Variants in RIC1 observed in about 807,000 individuals in gnomAD.
The protein encoded by RIC1 is guanine nucleotide exchange factor subunit RIC1.
Under a neutral mutation model 169.0 loss-of-function variants are expected in RIC1, and 88 were observed. The ratio of observed to expected loss-of-function variants is 0.52; its 90% CI spans 0.44 to 0.62. The LOEUF (loss-of-function observed/expected upper bound fraction) is 0.62, where lower values mean the gene tolerates loss of function less well. Ranked by LOEUF, RIC1 falls within the 20% of genes least tolerant of loss-of-function variation. The pLI is 0.00. For missense variants in RIC1, 1,877 were observed against 1,725.5 expected, an observed-to-expected ratio of 1.09 and a Z score of -1.56; for synonymous variants, 790 against 601.5, an observed-to-expected ratio of 1.31 and a Z score of -4.59.
chr9:5,759,525 AC>A (rs780638219), intron 17 of RIC1, among the ~76,000 whole-genome samples: 33 of 152,210 alleles, frequency 2.2e-4, no homozygotes, highest in Non-Finnish European at 3.8e-4. Context: ...GATAATCACT[AC>A]CCTGCAGAAC....
Position 5,720,733 on chromosome 9 carries a change from A to G in RIC1, c.703A>G (p.Ser235Gly). ...GKVGFITPVS[S>G]RFTAEQLHGV... ...AGTTGGATTTATTACACCAGTGTCA[A>G]GTAGATTTACTGCAGAGGTATGACT... Residue 235 changes from serine (S) to glycine (G), a missense_variant, in exon 6 of 26, where the codon AGT (serine) becomes GGT (glycine). Transcript: ENST00000414202. 6.2e-7 allele frequency: 1 copy of G among 1,608,436 alleles called. No homozygotes were observed. The highest frequency in any genetic ancestry group is 8.5e-7 in the Non-Finnish European group (1 of 1,177,986).
At position 5,769,119 on chromosome 9, in the gene RIC1, A is replaced by G. The variant is rs1228667725; in HGVS notation, c.3287A>G (p.Lys1096Arg). 6.2e-7 allele frequency: 1 copy of G among 1,614,024 alleles called. No homozygotes were observed. Among genetic ancestry groups the G allele is most frequent in the East Asian group, 2.2e-5 (1 of 44,882 alleles). Residue 1096 changes from lysine to arginine, a missense_variant, in exon 22 of 26, where the codon AAG (lysine) becomes AGG (arginine). By Grantham distance (26) the Lys-to-Arg change is conservative. Around this residue, in one of 3 missense-constraint regions of RIC1, gnomAD observed 681 missense variants for 582.0 expected, o/e 1.17. Transcript: ENST00000414202. The stretch of plus-strand genomic sequence containing the variant: ...TTTGAACTAATTAGTTGGCTATGCA[A>G]GGAACGTACCCGAGCCGCCCGGGTA... ...LGFELISWLC[K>R]ERTRAARVDN...
At chr9:5,719,771 A>T (rs189094338) in intron 4 of RIC1, among the ~76,000 whole-genome samples, 2 of 152,180 alleles carry the variant, frequency 1.3e-5, no homozygotes, top group African/African-American at 4.8e-5. Context: ...TCATTATTCA[A>T]AGTTTTATTG....
chr9:5,691,288 G>A (rs1027758268), intron 3 of RIC1, among the ~76,000 whole-genome samples: 11 of 151,884 alleles, frequency 7.2e-5, no homozygotes, highest in African/African-American at 2.7e-4. Context: ...AAAATCTAGA[G>A]CAATACAGTA....
At chr9:5,726,370 T>C (rs1823985571) in intron 6 of RIC1, among the ~76,000 whole-genome samples, 1 of 152,216 alleles carries the variant, frequency 6.6e-6, no homozygotes. Context: ...ATACTAGGAT[T>C]GCAACCCCTG....
chr9:5,685,111 T>C (rs1821134383), intron 2 of RIC1, among the ~76,000 whole-genome samples: 1 of 151,602 alleles, frequency 6.6e-6, no homozygotes, highest in Non-Finnish European at 1.5e-5. Flanking sequence ...AAACCACTGC[T>C]CAAGGAAATA....
At chr9:5,643,616 C>T (rs1434350318) in intron 1 of RIC1, among the ~76,000 whole-genome samples, 1 of 152,054 alleles carries the variant, frequency 6.6e-6, no homozygotes, top group African/African-American at 2.4e-5. Flanking sequence ...TAAACTAGCA[C>T]CTCATTTAGA....
Position 5,676,460 on chromosome 9 carries a change from A to G in RIC1, c.253-13499A>G, listed in dbSNP as rs541652171. Among the ~76,000 whole-genome samples the G allele has an allele frequency of 6.6e-5, 10 of 152,276 alleles. No individual in the cohort carries two copies. The South Asian group carries it at 2.1e-3, about 32-fold the overall frequency. Reference sequence around the variant, plus strand: ...TATTAAAATTAATTTGTTATTCATAACAATCCTCTCAAGGTAGATACTTTT... The same window carrying G: ...TATTAAAATTAATTTGTTATTCATAGCAATCCTCTCAAGGTAGATACTTTT... On this transcript the variant is annotated intron_variant, in intron 2 of 25. Coordinates refer to ENST00000414202, the MANE Select transcript of RIC1 (RefSeq NM_020829.4).
intron 2 of RIC1, among the ~76,000 whole-genome samples, chr9:5,672,799 C>T (rs941200034): frequency 2.0e-5 from 3 of 152,094 alleles, no homozygotes; most frequent in Non-Finnish European, 4.4e-5. Context: ...GCAGAAATAA[C>T]TGAATTTCAG....
rs559038108 is a variant in RIC1, at chr9:5,727,597, G to A, written c.721-4791G>A. ...TGTTCCATTGCTGGCAAGGAGCTGCGTTCCTTTGGAGGTGAAGAGGTGCTC... is the reference window on the plus strand; with the variant it reads ...TGTTCCATTGCTGGCAAGGAGCTGCATTCCTTTGGAGGTGAAGAGGTGCTC... On this transcript the variant is annotated intron_variant, in intron 6 of 25. Coordinates refer to ENST00000414202, the MANE Select transcript of RIC1 (RefSeq NM_020829.4). Among the ~76,000 whole-genome samples, 21 of 152,306 alleles carry A rather than the reference G, an allele frequency of 1.4e-4. 1 individual carries two copies. In the South Asian group the frequency reaches 1.9e-3, roughly 14 times the overall value.
In RIC1 at chr9:5,656,612, G is replaced by A. The variant is rs1366303003; in HGVS notation, c.174G>A (p.Glu58=). The change falls in exon 2 of 26, where the codon GAG becomes GAA. Residue 58 remains glutamate, a synonymous_variant. Coordinates refer to ENST00000414202, the MANE Select transcript of RIC1 (RefSeq NM_020829.4). The part of the protein sequence containing the change: ...RPSVLIVTYK[E]PAKSSTQFGS... ...GTGTGTTAATTGTAACCTACAAGGA[G>A]CCTGCAAAATCATCTACTCAGTTTG... 1.9e-6 allele frequency: 3 copies of A among 1,604,962 alleles called. No homozygotes were observed. Among genetic ancestry groups the A allele is most frequent in the East Asian group, 2.2e-5 (1 of 44,690 alleles).
In RIC1 at chr9:5,720,316, C is replaced by T; in HGVS notation, c.575C>T (p.Ser192Leu). Reference protein sequence around the residue: ...CTVPFSVDLQSSRVGSFLGFT... With the variant: ...CTVPFSVDLQLSRVGSFLGFT... ...GTACCCTTTTCAGTAGACCTGCAGTCATCTAGAGGTAGCTATACTTTCTAC... is the reference window on the plus strand; with the variant it reads ...GTACCCTTTTCAGTAGACCTGCAGTTATCTAGAGGTAGCTATACTTTCTAC... Residue 192 changes from serine to leucine, a missense_variant, in exon 5 of 26, where the codon TCA becomes TTA. Ser to Leu is a moderately radical substitution (Grantham distance 145, BLOSUM62 -2). Coordinates refer to ENST00000414202, the MANE Select transcript of RIC1 (RefSeq NM_020829.4). 6.2e-7 allele frequency: 1 copy of T among 1,611,706 alleles called. No homozygotes were observed. Among genetic ancestry groups the T allele is most frequent in the South Asian group, 1.1e-5 (1 of 90,424 alleles).
intron 3 of RIC1, among the ~76,000 whole-genome samples, chr9:5,710,966 G>A (rs1822895310): frequency 1.3e-5 from 2 of 152,120 alleles, no homozygotes; most frequent in African/African-American, 4.8e-5. Flanking sequence ...TAGAAAGAGA[G>A]AACAGGGAAT....
chr9:5,650,565 A>G lies in RIC1; in HGVS notation c.145-6018A>G, dbSNP rs114442881. On this transcript the variant is annotated intron_variant, in intron 1 of 25. Coordinates refer to ENST00000414202, the MANE Select transcript of RIC1 (RefSeq NM_020829.4). The stretch of plus-strand genomic sequence containing the variant: ...CTCACACCAGAGGCTGGGGTGGGGC[A>G]GGTATGGTATGCTTTGCTCCAAGCA... Among the ~76,000 whole-genome samples the G allele has an allele frequency of 9.1e-3, 1,378 of 152,076 alleles. 21 individuals are homozygous for G. The highest frequency in any genetic ancestry group is 0.032 in the African/African-American group (1,319 of 41,504).
At chr9:5,721,804 A>C (rs2130870904) in intron 6 of RIC1, among the ~76,000 whole-genome samples, 1 of 151,548 alleles carries the variant, frequency 6.6e-6, no homozygotes, top group East Asian at 1.9e-4. Context: ...CTTATCTCTT[A>C]CTCAACCCAA....
At chr9:5,738,116 C>T (rs1452957891) in intron 7 of RIC1, among the ~76,000 whole-genome samples, 1 of 152,122 alleles carries the variant, frequency 6.6e-6, no homozygotes, top group Non-Finnish European at 1.5e-5. Flanking sequence ...TATTATATTG[C>T]TATACCATAT....
chr9:5,660,356 G>T (rs527796430), intron 2 of RIC1, among the ~76,000 whole-genome samples: 1 of 152,022 alleles, frequency 6.6e-6, no homozygotes. Flanking sequence ...TTTATATTTT[G>T]GGGGGTATAC....
chr9:5,689,682 C>T (rs539351894), intron 2 of RIC1, among the ~76,000 whole-genome samples: 2 of 152,226 alleles, frequency 1.3e-5, no homozygotes, highest in South Asian at 4.1e-4. Context: ...GTCACTTACT[C>T]ATTATTGAAT....
chr9:5,639,315 C>A (rs976039479), intron 1 of RIC1, among the ~76,000 whole-genome samples: 2 of 152,106 alleles, frequency 1.3e-5, no homozygotes, highest in Admixed American at 1.3e-4. Flanking sequence ...TCATTTGTTT[C>A]AATAAAGTTT....
Sources: gnomAD v4.1 joint callset for allele counts (sites outside exome capture counted in the v4.1 genomes callset) on GRCh38, gnomAD v4.1.1 for gene constraint, gnomAD v4.1.1 regional missense constraint, MANE v1.5 for transcripts, NCBI Gene and HGNC (gene_info 2026-07-23, HGNC 2026-07-21) for gene names.